ABCA13: variants seen among roughly 807,000 people sequenced by gnomAD.
ABCA13 encodes the protein ATP-binding cassette sub-family A member 13.
In ABCA13, 476 loss-of-function variants were observed where a neutral mutation model predicts 478.7. The ratio of observed to expected loss-of-function variants is 0.99; its 90% CI spans 0.92 to 1.07. The LOEUF is 1.07. Among genes scored for constraint, ABCA13 ranks in the 50% least tolerant of loss-of-function variants. The pLI is 0.00. For missense variants in ABCA13, 6,060 were observed against 5,910.6 expected (o/e 1.03, Z -0.83); for synonymous variants, 2,252 against 2,158.9 (o/e 1.04, Z -1.20).
At chr7:48,305,129 T>A (rs950329379) in intron 23 of ABCA13, among the ~76,000 whole-genome samples, 5 of 152,248 alleles carry the variant, frequency 3.3e-5, no homozygotes, top group Non-Finnish European at 7.3e-5. Flanking sequence ...CTGAGCTGAA[T>A]GCTTTACATC....
intron 1 of ABCA13, among the ~76,000 whole-genome samples, chr7:48,174,851 T>C (rs1794627720): frequency 6.6e-6 from 1 of 152,248 alleles, no homozygotes; most frequent in Non-Finnish European, 1.5e-5. Flanking sequence ...TTTTATTGAA[T>C]AACAGTTCAT....
intron 38 of ABCA13, among the ~76,000 whole-genome samples, chr7:48,395,227 C>G (rs973943096): frequency 1.7e-4 from 26 of 152,326 alleles, no homozygotes; most frequent in African/African-American, 6.0e-4. Context: ...TTCACACACT[C>G]TCTCCAGTTG....
intron 43 of ABCA13, among the ~76,000 whole-genome samples, chr7:48,465,104 C>G (rs774661281): frequency 8.5e-5 from 13 of 152,122 alleles, no homozygotes; most frequent in Non-Finnish European, 1.6e-4. Flanking sequence ...GTGCCGTGCT[C>G]AGGAAGAAAT....
rs1350373965 is a variant in ABCA13 at position 48,389,035 on chromosome 7, C to T, written c.11474-5C>T. 2 of 1,612,698 alleles carry T rather than the reference C, an allele frequency of 1.2e-6. No individual in the cohort carries two copies. The stretch of plus-strand genomic sequence containing the variant: ...TTTCACAATGAATTTTCATCTCTCT[C>T]ACAGGGTCATCACTGCAAAACAGGG... On this transcript the variant is annotated splice_polypyrimidine_tract_variant and splice_region_variant and intron_variant, in intron 36 of 61. Transcript: ENST00000435803.
intron 20 of ABCA13, among the ~76,000 whole-genome samples, chr7:48,291,088 C>T (rs1335552851): frequency 6.6e-6 from 1 of 152,072 alleles, no homozygotes; most frequent in Non-Finnish European, 1.5e-5. Flanking sequence ...CTTGCAGATG[C>T]TCTTCCTGAG....
In ABCA13 at chr7:48,272,197, A is replaced by C. The variant is rs1481274084; in HGVS notation, c.2531A>C (p.Lys844Thr). ...GAATTATGGGCCTATGGCATTTCAA[A>C]AGGAAAAAGAGCTAAATTGGAAAAC... The part of the protein sequence containing the change: ...LLELWAYGIS[K>T]GKRAKLENFF... Residue 844 changes from lysine to threonine, a missense_variant, in exon 17 of 62, where the codon AAA becomes ACA. By Grantham distance (78) the Lys-to-Thr change is moderately conservative. Coordinates refer to ENST00000435803, the MANE Select transcript of ABCA13 (RefSeq NM_152701.5). The C allele has an allele frequency of 6.2e-7, 1 of 1,611,642 alleles. No homozygotes were observed. The highest frequency in any genetic ancestry group is 1.7e-5 in the Admixed American group (1 of 59,626).
chr7:48,201,094 T>A (rs1029155990), intron 3 of ABCA13, among the ~76,000 whole-genome samples: 2 of 152,210 alleles, frequency 1.3e-5, no homozygotes, highest in Non-Finnish European at 2.9e-5. Context: ...ACAAAGCTCT[T>A]TGTTCTTAGG....
chr7:48,332,698 G>T (rs1404159853), intron 27 of ABCA13, among the ~76,000 whole-genome samples: 1 of 151,990 alleles, frequency 6.6e-6, no homozygotes, highest in African/African-American at 2.4e-5. Flanking sequence ...ATTCCTAAAA[G>T]ATATTTACAT....
intron 3 of ABCA13, among the ~76,000 whole-genome samples, chr7:48,200,324 G>T (rs563575336): frequency 2.0e-5 from 3 of 152,140 alleles, no homozygotes; most frequent in African/African-American, 7.2e-5. Context: ...CCAAGATTGC[G>T]CCACTGCACT....
chr7:48,401,996 T>G (rs1270881305), intron 38 of ABCA13, among the ~76,000 whole-genome samples: 3 of 152,184 alleles, frequency 2.0e-5, no homozygotes, highest in Non-Finnish European at 4.4e-5. Context: ...GCTTACATCT[T>G]GTTTGACACC....
intron 42 of ABCA13, among the ~76,000 whole-genome samples, chr7:48,442,156 A>G (rs1400573830): frequency 6.6e-6 from 1 of 152,238 alleles, no homozygotes; most frequent in Non-Finnish European, 1.5e-5. Context: ...TGCTGGGTTG[A>G]GGAATCAACC....
At chr7:48,367,968 T>C in intron 32 of ABCA13, 60 bp downstream of exon 32, 1 of 1,368,918 alleles carries the variant, frequency 7.3e-7, no homozygotes, top group Non-Finnish European at 1.0e-6. Context: ...ACTTTGGAAA[T>C]GGATCTTGTC....
intron 42 of ABCA13, among the ~76,000 whole-genome samples, chr7:48,434,582 G>A (rs1822575247): frequency 6.6e-6 from 1 of 151,790 alleles, no homozygotes; most frequent in African/African-American, 2.4e-5. Context: ...AAAAATCACT[G>A]GCAACTGCAA....
chr7:48,245,383 A>G (rs943671729), intron 11 of ABCA13, 129 bp from the exon 12 acceptor site: 7 of 628,796 alleles, frequency 1.1e-5, no homozygotes, highest in Non-Finnish European at 1.9e-5. Context: ...AGAGAAGAAA[A>G]TGTATAATAA....
chr7:48,524,417 A>C lies in ABCA13; in HGVS notation c.14221A>C (p.Ser4741Arg). ...GAATATTATTGCTGTGCAAGATATT[A>C]GTTTGGGCATACCAAAAGGAGAGGT... ...FQNIIAVQDI[S>R]LGIPKGECFG... The change falls in exon 54 of 62, where the codon AGT becomes CGT. Residue 4741 changes from serine (S) to arginine (R), a missense_variant. Ser to Arg is a moderately radical substitution (Grantham distance 110). Coordinates refer to ENST00000435803, the MANE Select transcript of ABCA13 (RefSeq NM_152701.5). The C allele has an allele frequency of 6.2e-7, 1 of 1,609,452 alleles. No homozygotes were observed.
chr7:48,501,621 T>C (rs1186507102), intron 48 of ABCA13, among the ~76,000 whole-genome samples: 1 of 151,908 alleles, frequency 6.6e-6, no homozygotes, highest in African/African-American at 2.4e-5. Context: ...GCACCAGTGG[T>C]TTTTTACTTC....
At chr7:48,305,067 TG>T (rs1256456124) in intron 23 of ABCA13, among the ~76,000 whole-genome samples, 1 of 152,266 alleles carries the variant, frequency 6.6e-6, no homozygotes, top group Non-Finnish European at 1.5e-5. Flanking sequence ...TGGCAGTGAC[TG>T]ATAGGCTTCT....
chr7:48,601,722 C>T (rs1790913690), intron 58 of ABCA13, among the ~76,000 whole-genome samples: 1 of 152,136 alleles, frequency 6.6e-6, no homozygotes, highest in South Asian at 2.1e-4. Context: ...ATCTGTAATC[C>T]TTTGGGTATA....
chr7:48,187,063 C>G (rs1456846454), intron 1 of ABCA13, among the ~76,000 whole-genome samples: 1 of 148,856 alleles, frequency 6.7e-6, no homozygotes, highest in Middle Eastern at 3.3e-3. Context: ...ATATCAGTCC[C>G]TGTCTCTCTA....
Sources: allele counts gnomAD v4.1 joint callset (sites outside exome capture counted in the v4.1 genomes callset), GRCh38; gene constraint gnomAD v4.1.1; transcripts MANE v1.5; gene names NCBI Gene and HGNC (gene_info 2026-07-23, HGNC 2026-07-21).